OSBP2: variants seen among roughly 807,000 people sequenced by gnomAD.
The protein encoded by OSBP2 is oxysterol binding protein 2.
In OSBP2, 66 loss-of-function variants were observed where a neutral mutation model predicts 96.0. The observed-to-expected ratio is 0.69, with a 90% CI of 0.56 to 0.84. The LOEUF (loss-of-function observed/expected upper bound fraction) is 0.84. OSBP2 is among the 40% of genes least tolerant of loss of function. The probability of loss-of-function intolerance (pLI) is 0.00; values close to 1 mark genes in which losing one functional copy is unlikely to be tolerated. For missense variants in OSBP2, 1,038 were observed against 1,222.7 expected, an observed-to-expected ratio of 0.85 and a Z score of 2.25; for synonymous variants, 525 against 520.9, an observed-to-expected ratio of 1.01 and a Z score of -0.11.
intron 2 of OSBP2, among the ~76,000 whole-genome samples, chr22:30,814,728 C>G (rs962451193): frequency 1.3e-5 from 2 of 152,008 alleles, no homozygotes; most frequent in Non-Finnish European, 2.9e-5. Context: ...TCTTAATTAC[C>G]TCTTTAAAGG....
At chr22:30,733,982 AT>A (rs966766956) in intron 1 of OSBP2, among the ~76,000 whole-genome samples, 7 of 149,192 alleles carry the variant, frequency 4.7e-5, no homozygotes, top group South Asian at 4.3e-4. Flanking sequence ...ATACATTATC[AT>A]TTTTTTTTTG....
Position 30,906,272 on chromosome 22 carries a change from T to C in OSBP2, c.2684T>C (p.Val895Ala), listed in dbSNP as rs200895779. 7.0e-5 allele frequency: 113 copies of C among 1,614,130 alleles called. 3 individuals carry two copies. In the African/African-American group the frequency reaches 1.3e-3, roughly 18 times the overall value. ...CCGCTGACCGGGGAGATGGCCTGTG[T>C]GTACAAGGGCGGCTACTGGGAGGCC... Reference protein sequence around the residue: ...LDPLTGEMACVYKGGYWEAKE... With the variant: ...LDPLTGEMACAYKGGYWEAKE... The change falls in exon 14 of 14, where the codon GTG (valine) becomes GCG (alanine). Residue 895 changes from valine to alanine, a missense_variant. Physicochemically the swap from Val to Ala is moderately conservative, Grantham distance 64. This residue lies in a region of OSBP2 where 737 missense variants were observed against 913.3 expected (regional missense o/e 0.81). Transcript: ENST00000332585.
intron 2 of OSBP2, among the ~76,000 whole-genome samples, chr22:30,752,288 C>CTTTTTTTTTTTTT (rs10691256): frequency 6.2e-5 from 3 of 48,654 alleles, no homozygotes; most frequent in African/African-American, 1.7e-4. Context: ...CTTTGCTTTG[C>CTTTTTTTTTTTTT]TTTTTTTTTT....
intron 2 of OSBP2, among the ~76,000 whole-genome samples, chr22:30,868,810 C>T (rs1169383343): frequency 6.6e-6 from 1 of 152,226 alleles, no homozygotes; most frequent in Non-Finnish European, 1.5e-5. Flanking sequence ...ATGGACACCA[C>T]GTGCACTCGG....
chr22:30,879,907 CCAGGTGTGGTGG>C (rs1293449069), intron 3 of OSBP2, among the ~76,000 whole-genome samples: 1 of 152,154 alleles, frequency 6.6e-6, no homozygotes, highest in Non-Finnish European at 1.5e-5. Flanking sequence ...CAAAAATTAG[CCAGGTGTGGTGG>C]CAGGTGCCTG....
chr22:30,802,497 C>T (rs536607945), intron 2 of OSBP2, among the ~76,000 whole-genome samples: 92 of 152,328 alleles, frequency 6.0e-4, no homozygotes, highest in African/African-American at 2.0e-3. Context: ...TGGGTCCAGG[C>T]AAAGGGCCGG....
At chr22:30,731,318 C>A (rs545332666) in intron 1 of OSBP2, among the ~76,000 whole-genome samples, 1 of 152,098 alleles carries the variant, frequency 6.6e-6, no homozygotes, top group Non-Finnish European at 1.5e-5. Context: ...GACTTCACAG[C>A]GAGCTACAGA....
chr22:30,700,940 A>G (rs1457095723), intron 1 of OSBP2, among the ~76,000 whole-genome samples: 3 of 151,994 alleles, frequency 2.0e-5, no homozygotes, highest in Non-Finnish European at 4.4e-5. Flanking sequence ...ATACAAAAAA[A>G]AAAAATTAGC....
chr22:30,898,706 C>T (rs2040119612), intron 12 of OSBP2, among the ~76,000 whole-genome samples: 1 of 151,968 alleles, frequency 6.6e-6, no homozygotes, highest in Non-Finnish European at 1.5e-5. Context: ...CCGGTCCCTC[C>T]CCTGACATGT....
intron 12 of OSBP2, among the ~76,000 whole-genome samples, chr22:30,897,245 T>C (rs79168129): frequency 2.0e-5 from 3 of 152,212 alleles, no homozygotes; most frequent in South Asian, 2.1e-4. Flanking sequence ...AAGGAAGAAA[T>C]TGATAAATCC....
intron 2 of OSBP2, among the ~76,000 whole-genome samples, chr22:30,807,476 G>A (rs905030488): frequency 1.3e-5 from 2 of 152,072 alleles, no homozygotes; most frequent in African/African-American, 2.4e-5. Flanking sequence ...TTCTGCTCTC[G>A]GCACTGCTTT....
At chr22:30,813,488 T>G (rs971992308) in intron 2 of OSBP2, among the ~76,000 whole-genome samples, 1 of 152,028 alleles carries the variant, frequency 6.6e-6, no homozygotes, top group African/African-American at 2.4e-5. Flanking sequence ...TGTTGCATTC[T>G]TGACCCTTCT....
In OSBP2 at chr22:30,870,735, G is replaced by T. The variant is rs965315315; in HGVS notation, c.1107+53G>T. 8.2e-6 allele frequency: 13 copies of T among 1,583,100 alleles called. No individual in the cohort carries two copies. The highest frequency in any genetic ancestry group is 1.1e-5 in the Non-Finnish European group (13 of 1,160,640). ...ACGGGGCTCCCTGGCTCCAGCCCCG[G>T]GGTCCCTCGGTGGGTGACCAGGGTC... On this transcript the variant is annotated intron_variant, in intron 3 of 13. Coordinates refer to ENST00000332585, the MANE Select transcript of OSBP2 (RefSeq NM_030758.4). The surrounding 1 kb of genome is among the most constrained non-coding windows in gnomAD (Gnocchi z 4.1).
At chr22:30,874,336 C>T (rs1026040899) in intron 3 of OSBP2, among the ~76,000 whole-genome samples, 3 of 151,994 alleles carry the variant, frequency 2.0e-5, no homozygotes, top group Admixed American at 6.6e-5. Context: ...CGTTTGAACC[C>T]AGGAGATGGA....
At chr22:30,714,054 T>C (rs1214193438) in intron 1 of OSBP2, among the ~76,000 whole-genome samples, 1 of 152,118 alleles carries the variant, frequency 6.6e-6, no homozygotes, top group Non-Finnish European at 1.5e-5. Context: ...CCTCTCCTTC[T>C]CCCCCACTTC....
intron 1 of OSBP2, among the ~76,000 whole-genome samples, chr22:30,734,077 C>T (rs1013952990): frequency 4.6e-5 from 7 of 152,058 alleles, no homozygotes; most frequent in Admixed American, 2.0e-4. Flanking sequence ...TGGGTTCAAA[C>T]GACTCTCCTG....
chr22:30,846,730 T>C (rs757494464), intron 2 of OSBP2, among the ~76,000 whole-genome samples: 9 of 152,342 alleles, frequency 5.9e-5, no homozygotes, highest in Middle Eastern at 6.8e-3. Flanking sequence ...TCAAATACCA[T>C]TTTTAAGTTT....
chr22:30,747,807 G>A (rs2090023865), intron 2 of OSBP2, among the ~76,000 whole-genome samples: 1 of 152,152 alleles, frequency 6.6e-6, no homozygotes, highest in African/African-American at 2.4e-5. Flanking sequence ...ACTTTAAGCT[G>A]TTCCTCTCTC....
intron 1 of OSBP2, among the ~76,000 whole-genome samples, chr22:30,738,772 G>T (rs978703889): frequency 1.3e-5 from 2 of 151,788 alleles, no homozygotes; most frequent in Non-Finnish European, 2.9e-5. Context: ...ATGTTAGCCA[G>T]GCTGGTCACA....
Sources: gnomAD v4.1 joint callset for allele counts (sites outside exome capture counted in the v4.1 genomes callset) on GRCh38, gnomAD v4.1.1 for gene constraint, gnomAD v4.1.1 regional missense constraint, Gnocchi (gnomAD v3.1) non-coding constraint, MANE v1.5 for transcripts, NCBI Gene and HGNC (gene_info 2026-07-23, HGNC 2026-07-21) for gene names.